NFE2L1: variants seen among roughly 807,000 people sequenced by gnomAD.
NFE2L1 encodes endoplasmic reticulum membrane sensor NFE2L1.
Under a neutral mutation model 61.6 loss-of-function variants are expected in NFE2L1, and 18 were observed. The observed-to-expected ratio is 0.29, with a 90% CI of 0.20 to 0.43. NFE2L1 has a LOEUF of 0.43. Ranked by LOEUF, NFE2L1 falls within the 20% of genes least tolerant of loss-of-function variation. NFE2L1 has a pLI of 1.00. For synonymous variants in NFE2L1, 419 were observed against 402.7 expected (o/e 1.04, Z -0.48); for missense variants, 827 against 973.5 (o/e 0.85, Z 2.00).
At position 48,050,688 on chromosome 17, in the gene NFE2L1, A is replaced by G; in HGVS notation, c.-431A>G. Reference sequence around the variant, plus strand: ...ACGAAAGGCCTGTAGCTCCAGCCAAAGAAAATAAACCTTAGGAGGGAGAAG... The same window carrying G: ...ACGAAAGGCCTGTAGCTCCAGCCAAGGAAAATAAACCTTAGGAGGGAGAAG... On this transcript the variant is annotated 5_prime_UTR_variant, in exon 2 of 6. Transcript: ENST00000362042. 2 of 436,722 alleles carry G rather than the reference A, an allele frequency of 4.6e-6. No individual in the cohort carries two copies. Among genetic ancestry groups the G allele is most frequent in the Non-Finnish European group, 4.0e-6 (1 of 247,308 alleles). 27.1% of individuals were successfully genotyped at this position (436,722 alleles called of 1,614,324 possible). A position where few individuals can be genotyped will look rare whatever the true frequency, so the allele number is the denominator to read the frequency against.
chr17:48,050,318 A>C (rs2144346656), intron 1 of NFE2L1, among the ~76,000 whole-genome samples: 1 of 152,250 alleles, frequency 6.6e-6, no homozygotes. Flanking sequence ...ATCTCTACTA[A>C]AAATACAAAA....
At chr17:48,057,219 T>C in intron 4 of NFE2L1, 98 bp downstream of exon 4, 1 of 1,588,928 alleles carries the variant, frequency 6.3e-7, no homozygotes. Context: ...GTTCTGGCCT[T>C]ATTCTGGCTG....
Position 48,051,216 on chromosome 17 carries a change from C to T in NFE2L1, c.98C>T (p.Thr33Ile). Residue 33 changes from threonine to isoleucine, a missense_variant, in exon 2 of 6, where the codon ACC becomes ATC. By Grantham distance (89) the Thr-to-Ile change is moderately conservative (BLOSUM62 -1). Transcript: ENST00000362042. Reference sequence around the variant, plus strand: ...CGGGTGGACGTGGATACTTACCTGACCTCACAGCTTCCCCCACTCCGGGAG... The same window carrying T: ...CGGGTGGACGTGGATACTTACCTGATCTCACAGCTTCCCCCACTCCGGGAG... ...GVRVDVDTYL[T>I]SQLPPLREII... The T allele has an allele frequency of 6.2e-7, 1 of 1,614,188 alleles. No individual in the cohort carries two copies. The highest frequency in any genetic ancestry group is 8.5e-7 in the Non-Finnish European group (1 of 1,180,024).
chr17:48,057,412 C>G lies in NFE2L1; in HGVS notation c.882C>G (p.Asn294Lys), dbSNP rs760551889. 6.2e-7 allele frequency: 1 copy of G among 1,614,222 alleles called. No homozygotes were observed. Residue 294 changes from asparagine to lysine, a missense_variant, in exon 5 of 6, where the codon AAC (asparagine) becomes AAG (lysine). This residue lies in a region of NFE2L1 where 667 missense variants were observed against 748.4 expected (regional missense o/e 0.89). Transcript: ENST00000362042. ...AGAGTGAGCCCCCTGCTCTTCAAAA[C>G]AACCTCTTGTCTCCTCTTCTGACCG... ...PSESEPPALQNNLLSPLLTGT... is the reference protein window; with the variant it reads ...PSESEPPALQKNLLSPLLTGT...
At chr17:48,051,774 G>C in intron 2 of NFE2L1, 146 bp downstream of exon 2, 2 of 1,014,766 alleles carry the variant, frequency 2.0e-6, no homozygotes, top group Non-Finnish European at 1.4e-6. Context: ...GGGATGGGCT[G>C]AACTTTCTGA....
chr17:48,050,242 G>A (rs922699286), intron 1 of NFE2L1, among the ~76,000 whole-genome samples: 5 of 152,224 alleles, frequency 3.3e-5, no homozygotes, highest in Non-Finnish European at 7.3e-5. Context: ...ACTTTGGGGG[G>A]CCGAGGCGGG....
rs1362528471 is a variant in NFE2L1 at position 48,059,552 on chromosome 17, G to A, written c.2230G>A (p.Gly744Arg). The change falls in exon 6 of 6, where the codon GGG becomes AGG. Residue 744 changes from glycine to arginine, a missense_variant. By Grantham distance (125) the Gly-to-Arg change is moderately radical. Transcript: ENST00000362042. The surrounding 1 kb of genome is among the most constrained non-coding windows in gnomAD (Gnocchi z 6.1). Reference protein sequence around the residue: ...SPSQYALQYAGDGSVLLIPRT... With the variant: ...SPSQYALQYARDGSVLLIPRT... ...CAGTCAGTATGCGCTCCAGTACGCC[G>A]GGGACGGCAGTGTCCTCCTCATCCC... 4.3e-6 allele frequency: 7 copies of A among 1,610,594 alleles called. No homozygotes were observed. Among genetic ancestry groups the A allele is most frequent in the Non-Finnish European group, 5.9e-6 (7 of 1,177,578 alleles).
chr17:48,059,233 G>A lies in NFE2L1; in HGVS notation c.1911G>A (p.Glu637=), dbSNP rs1399690508. ...AAATCATCAACCTGCCTGTGGAGGAGTTCAATGAACTGCTGTCCAAATACC... is the reference window on the plus strand; with the variant it reads ...AAATCATCAACCTGCCTGTGGAGGAATTCAATGAACTGCTGTCCAAATACC... ...NDKIINLPVE[E]FNELLSKYQL... is the part of the protein sequence containing the mutation. The change falls in exon 6 of 6, where the codon GAG becomes GAA. Residue 637 remains glutamate (E), a synonymous_variant. Coordinates refer to ENST00000362042, the MANE Select transcript of NFE2L1 (RefSeq NM_003204.3). This position sits in a 1 kb window ranked among gnomAD's most constrained non-coding sequence, Gnocchi z 6.1. 2 of 1,614,056 alleles carry A rather than the reference G, an allele frequency of 1.2e-6. No individual in the cohort carries two copies. The highest frequency in any genetic ancestry group is 2.7e-5 in the African/African-American group (2 of 74,928).
In NFE2L1 at chr17:48,059,632, G is replaced by C; in HGVS notation, c.2310G>C (p.Arg770=). The C allele has an allele frequency of 6.4e-7, 1 of 1,552,414 alleles. No individual in the cohort carries two copies. Among genetic ancestry groups the C allele is most frequent in the Non-Finnish European group, 8.7e-7 (1 of 1,149,282 alleles). Residue 770 remains arginine (R), a synonymous_variant, in exon 6 of 6, where the codon CGG becomes CGC. Coordinates refer to ENST00000362042, the MANE Select transcript of NFE2L1 (RefSeq NM_003204.3). The surrounding 1 kb of genome is among the most constrained non-coding windows in gnomAD (Gnocchi z 6.1). ...GGCAGGAGAGGAAGCCAAAGGACCG[G>C]AGAAAGTGAGCCTGGGGAAGAAGGG... The part of the protein sequence containing the change: ...ARRQERKPKD[R]RK
chr17:48,049,858 T>TG (rs2037202754), intron 1 of NFE2L1, among the ~76,000 whole-genome samples: 1 of 152,164 alleles, frequency 6.6e-6, no homozygotes, highest in Non-Finnish European at 1.5e-5. Context: ...AAAAGACAAC[T>TG]GTTATGGGTG....
rs146538489 is a variant in NFE2L1, at chr17:48,059,591, G to A, written c.2269G>A (p.Asp757Asn). The change falls in exon 6 of 6, where the codon GAC (aspartate) becomes AAC (asparagine). Residue 757 changes from aspartate to asparagine, a missense_variant. Around this residue, in one of 3 missense-constraint regions of NFE2L1, gnomAD observed 86 missense variants for 97.3 expected, o/e 0.88. Coordinates refer to ENST00000362042, the MANE Select transcript of NFE2L1 (RefSeq NM_003204.3). This position sits in a 1 kb window ranked among gnomAD's most constrained non-coding sequence, Gnocchi z 6.1. ...SVLLIPRTMA[D>N]QQARRQERKP... ...CCTCCTCATCCCCCGCACGATGGCC[G>A]ACCAGCAGGCCCGGCGGCAGGAGAG... 9.4e-6 allele frequency: 15 copies of A among 1,588,642 alleles called. No homozygotes were observed. Among genetic ancestry groups the A allele is most frequent in the African/African-American group, 4.0e-5 (3 of 74,300 alleles).
In NFE2L1 at chr17:48,058,559, C is replaced by G. The variant is rs775935767; in HGVS notation, c.1237C>G (p.Leu413Val). The G allele has an allele frequency of 9.3e-6, 15 of 1,613,590 alleles. No homozygotes were observed. The highest frequency in any genetic ancestry group is 1.2e-5 in the Non-Finnish European group (14 of 1,179,692). Residue 413 changes from leucine to valine, a missense_variant, in exon 6 of 6, where the codon CTG becomes GTG. Leu to Val is a conservative substitution (Grantham distance 32). Coordinates refer to ENST00000362042, the MANE Select transcript of NFE2L1 (RefSeq NM_003204.3). ...CAACTCCACCTTCGGCTCCACCAAC[C>G]TGACAGGGCTCTTCTTTCCACCCCA... The part of the protein sequence containing the change: ...SLNSTFGSTN[L>V]TGLFFPPQLN...
At position 48,051,519 on chromosome 17, in the gene NFE2L1, C is replaced by G; in HGVS notation, c.401C>G (p.Thr134Arg). ...AGTTCCAGTGGCCTCCAAGATGTGA[C>G]AGGCCCAGACAACGGGGTGCGAGAA... ...LESSSGLQDV[T>R]GPDNGVRESE... is the part of the protein sequence containing the mutation. The change falls in exon 2 of 6, where the codon ACA becomes AGA. Residue 134 changes from threonine (T) to arginine (R), a missense_variant. This residue lies in a region of NFE2L1 where 667 missense variants were observed against 748.4 expected (regional missense o/e 0.89). Coordinates refer to ENST00000362042, the MANE Select transcript of NFE2L1 (RefSeq NM_003204.3). 6.2e-7 allele frequency: 1 copy of G among 1,614,118 alleles called. No individual in the cohort carries two copies. Among genetic ancestry groups the G allele is most frequent in the Non-Finnish European group, 8.5e-7 (1 of 1,180,044 alleles).
chr17:48,049,806 C>T (rs915125769), intron 1 of NFE2L1, among the ~76,000 whole-genome samples: 9 of 152,326 alleles, frequency 5.9e-5, no homozygotes, highest in African/African-American at 2.2e-4. Flanking sequence ...TTTTGTCCTT[C>T]CACACTCTCA....
At chr17:48,057,292 A>G in intron 4 of NFE2L1, 52 bp from the exon 5 acceptor site, 2 of 1,600,894 alleles carry the variant, frequency 1.2e-6, no homozygotes, top group South Asian at 1.1e-5. Context: ...TCTGGGAGGA[A>G]AGCACAAGGT....
intron 5 of NFE2L1, 91 bp downstream of exon 5, chr17:48,057,593 T>C (rs1598291404): frequency 1.4e-6 from 2 of 1,464,770 alleles, no homozygotes; most frequent in Middle Eastern, 1.9e-4. Flanking sequence ...GGAGAGAAAG[T>C]GTAATACTTT....
intron 2 of NFE2L1, 41 bp downstream of exon 2, chr17:48,051,669 G>T (rs771609173): frequency 1.3e-6 from 2 of 1,569,146 alleles, no homozygotes; most frequent in Non-Finnish European, 8.6e-7. Context: ...CTGGGGCTTG[G>T]GGGTGGGCTG....
intron 2 of NFE2L1, among the ~76,000 whole-genome samples, chr17:48,052,124 T>C (rs186001038): frequency 6.6e-6 from 1 of 152,266 alleles, no homozygotes; most frequent in Admixed American, 6.5e-5. Flanking sequence ...AAAGGGTAGA[T>C]TTGGATAGTT....
chr17:48,059,458 G>T lies in NFE2L1; in HGVS notation c.2136G>T (p.Gln712His), dbSNP rs148438335. The change falls in exon 6 of 6, where the codon CAG becomes CAT. Residue 712 changes from glutamine (Q) to histidine (H), a missense_variant. By Grantham distance (24) the Gln-to-His change is conservative. Transcript: ENST00000362042. This position sits in a 1 kb window ranked among gnomAD's most constrained non-coding sequence, Gnocchi z 6.1. The part of the protein sequence containing the change: ...EFLRSLRQMK[Q>H]KVQSLYQEVF... ...TGCGCTCCCTGCGACAGATGAAGCA[G>T]AAGGTCCAGAGCCTGTACCAGGAGG... 12 of 1,614,074 alleles carry T rather than the reference G, an allele frequency of 7.4e-6. No individual in the cohort carries two copies. Among genetic ancestry groups the T allele is most frequent in the Non-Finnish European group, 1.0e-5 (12 of 1,180,032 alleles).
Sources: allele counts gnomAD v4.1 joint callset (sites outside exome capture counted in the v4.1 genomes callset), GRCh38; gene constraint gnomAD v4.1.1; regional missense constraint gnomAD v4.1.1; non-coding constraint Gnocchi (gnomAD v3.1); transcripts MANE v1.5; gene names NCBI Gene and HGNC (gene_info 2026-07-23, HGNC 2026-07-21).